The following SAMD9L variants were observed in gnomAD, a reference collection of about 807,000 sequenced individuals.
SAMD9L encodes the protein sterile alpha motif domain-containing protein 9-like.
A neutral mutation model predicts 90.7 loss-of-function variants in SAMD9L; 68 were observed. The observed-to-expected ratio is 0.75, with a 90% CI of 0.62 to 0.92. SAMD9L has a LOEUF of 0.92. SAMD9L is among the 40% of genes least tolerant of loss of function. The pLI is 0.00. For missense variants in SAMD9L, 1,604 were observed against 1,824.3 expected, an observed-to-expected ratio of 0.88 and a Z score of 2.20; for synonymous variants, 640 against 630.1, an observed-to-expected ratio of 1.02 and a Z score of -0.23.
intron 4 of SAMD9L, among the ~76,000 whole-genome samples, chr7:93,143,977 T>A (rs1382763490): frequency 6.6e-6 from 1 of 152,220 alleles, no homozygotes; most frequent in Non-Finnish European, 1.5e-5. Flanking sequence ...CTACACAGTG[T>A]GTATAAAGGT....
chr7:93,132,754 G>A lies in SAMD9L; in HGVS notation c.3218C>T (p.Ala1073Val), dbSNP rs749745854. 1.2e-6 allele frequency: 2 copies of A among 1,613,698 alleles called. No homozygotes were observed. The highest frequency in any genetic ancestry group is 2.2e-5 in the South Asian group (2 of 91,068). Residue 1073 changes from alanine to valine, a missense_variant, in exon 5 of 5, where the codon GCA becomes GTA. Transcript: ENST00000318238. ...QNKDIEKVLS[A>V]GSRRFPQNAF... ...ATTTTGTGGGAATCGTCTACTTCCT[G>A]CACTCAAGACCTTTTCAATGTCTTT...
chr7:93,135,400 T>A lies in SAMD9L; in HGVS notation c.572A>T (p.Asn191Ile), dbSNP rs755513883. ...YTLQPETGAL[N>I]LIDPIHEFKA... is the part of the protein sequence containing the mutation. ...GAACTCATGTATTGGATCAATGAGA[T>A]TGAGTGCTCCTGTTTCAGGTTGTAG... is the stretch of plus-strand genomic sequence containing the variant. The change falls in exon 5 of 5, where the codon AAT (asparagine) becomes ATT (isoleucine). Residue 191 changes from asparagine (N) to isoleucine (I), a missense_variant. Physicochemically the swap from Asn to Ile is moderately radical, Grantham distance 149 (BLOSUM62 -3). Coordinates refer to ENST00000318238, the MANE Select transcript of SAMD9L (RefSeq NM_152703.5). The A allele has an allele frequency of 6.2e-7, 1 of 1,614,118 alleles. No homozygotes were observed. The highest frequency in any genetic ancestry group is 1.1e-5 in the South Asian group (1 of 91,082).
Position 93,134,997 on chromosome 7 carries a change from C to A in SAMD9L, c.975G>T (p.Met325Ile). The change falls in exon 5 of 5, where the codon ATG (methionine) becomes ATT (isoleucine). Residue 325 changes from methionine (M) to isoleucine (I), a missense_variant. Met to Ile is a conservative substitution (Grantham distance 10, BLOSUM62 1). Around this residue, in one of 7 missense-constraint regions of SAMD9L, gnomAD observed 374 missense variants for 363.6 expected, o/e 1.03. Coordinates refer to ENST00000318238, the MANE Select transcript of SAMD9L (RefSeq NM_152703.5). The part of the protein sequence containing the change: ...ICNDKYFYIQ[M>I]QICKDKIWKQ... Reference sequence around the variant, plus strand: ...TCCATATTTTATCTTTACAAATTTGCATCTGAATGTAGAAATACTTATCAT... The same window carrying A: ...TCCATATTTTATCTTTACAAATTTGAATCTGAATGTAGAAATACTTATCAT... 1.2e-6 allele frequency: 2 copies of A among 1,613,060 alleles called. No homozygotes were observed. The highest frequency in any genetic ancestry group is 1.7e-6 in the Non-Finnish European group (2 of 1,179,110).
chr7:93,143,488 A>G (rs537432094), intron 4 of SAMD9L, among the ~76,000 whole-genome samples: 28 of 152,208 alleles, frequency 1.8e-4, no homozygotes, highest in Non-Finnish European at 2.8e-4. Flanking sequence ...TCTCTCATCA[A>G]ACCTACAACA....
At chr7:93,136,071 C>G in intron 4 of SAMD9L, 80 bp from the exon 5 acceptor site, 1 of 920,552 alleles carries the variant, frequency 1.1e-6, no homozygotes, top group Non-Finnish European at 1.5e-6. Context: ...TATACATTAT[C>G]ATACAGAAGA....
rs1227405213 is a variant in SAMD9L at position 93,135,372 on chromosome 7, T to C, written c.600A>G (p.Lys200=). ...TGGCTGTTTCTGTGTTTGTGAGAGC[T>C]TTGAACTCATGTATTGGATCAATGA... ...LNLIDPIHEF[K]ALTNTETATE... is the part of the protein sequence containing the mutation. Residue 200 remains lysine (K), a synonymous_variant, in exon 5 of 5, where the codon AAA becomes AAG. Transcript: ENST00000318238. 13 of 1,614,154 alleles carry C rather than the reference T, an allele frequency of 8.1e-6. No individual in the cohort carries two copies. Among genetic ancestry groups the C allele is most frequent in the Admixed American group, 1.7e-5 (1 of 60,022 alleles).
rs1451330701 is a variant in SAMD9L at position 93,135,224 on chromosome 7, C to T, written c.748G>A (p.Val250Ile). ...GCCTTACTGGTGATTTTCACACCAA[C>T]AATTTCTCCATGGGGTTTGTCCTTG... ...GVKDKPHGEI[V>I]GVKITSKAAF... Residue 250 changes from valine (V) to isoleucine (I), a missense_variant, in exon 5 of 5, where the codon GTT becomes ATT. Around this residue, in one of 7 missense-constraint regions of SAMD9L, gnomAD observed 374 missense variants for 363.6 expected, o/e 1.03. Coordinates refer to ENST00000318238, the MANE Select transcript of SAMD9L (RefSeq NM_152703.5). 3 of 1,614,054 alleles carry T rather than the reference C, an allele frequency of 1.9e-6. No homozygotes were observed. Among genetic ancestry groups the T allele is most frequent in the East Asian group, 2.2e-5 (1 of 44,872 alleles).
At position 93,132,505 on chromosome 7, in the gene SAMD9L, G is replaced by T; in HGVS notation, c.3467C>A (p.Ala1156Glu). The T allele has an allele frequency of 6.2e-7, 1 of 1,613,732 alleles. No individual in the cohort carries two copies. The highest frequency in any genetic ancestry group is 8.5e-7 in the Non-Finnish European group (1 of 1,179,788). ...VNDLTHLLEA[A>E]EKASRAFKES... ...TTTGAAAGCTCTTGAGGCTTTTTCCGCAGCTTCTAGGAGATGTGTTAGGTC... is the reference window on the plus strand; with the variant it reads ...TTTGAAAGCTCTTGAGGCTTTTTCCTCAGCTTCTAGGAGATGTGTTAGGTC... The change falls in exon 5 of 5, where the codon GCG (alanine) becomes GAG (glutamate). Residue 1156 changes from alanine to glutamate, a missense_variant. Ala to Glu is a moderately radical substitution (Grantham distance 107). Around this residue, in one of 7 missense-constraint regions of SAMD9L, gnomAD observed 302 missense variants for 314.7 expected, o/e 0.96. Transcript: ENST00000318238.
intron 4 of SAMD9L, among the ~76,000 whole-genome samples, 192 bp from the exon 5 acceptor site, chr7:93,136,183 G>A (rs1331194715): frequency 6.6e-6 from 1 of 151,842 alleles, no homozygotes; most frequent in East Asian, 1.9e-4. Flanking sequence ...TGTTTCTTAG[G>A]TGACTCTAAT....
At chr7:93,143,130 T>A (rs1197416613) in intron 4 of SAMD9L, among the ~76,000 whole-genome samples, 3 of 152,206 alleles carry the variant, frequency 2.0e-5, no homozygotes, top group African/African-American at 7.2e-5. Flanking sequence ...ATTGATTGAC[T>A]TCTGTCAGGA....
At chr7:93,143,806 T>C (rs1323069511) in intron 4 of SAMD9L, among the ~76,000 whole-genome samples, 3 of 152,216 alleles carry the variant, frequency 2.0e-5, no homozygotes, top group Non-Finnish European at 4.4e-5. Flanking sequence ...CTATAATCCA[T>C]AGGTAGTTGG....
In SAMD9L at chr7:93,131,307, T is replaced by C. The variant is rs747063316; in HGVS notation, c.4665A>G (p.Pro1555=). The change falls in exon 5 of 5, where the codon CCA becomes CCG. Residue 1555 remains proline (P), a synonymous_variant. Transcript: ENST00000318238. ...KIPVISVYSG[P]LRSGRNIERV... is the part of the protein sequence containing the mutation. Reference sequence around the variant, plus strand: ...TTTCTATGTTCCTACCACTTCTGAGTGGACCTGAATAAACAGATATTACTG... The same window carrying C: ...TTTCTATGTTCCTACCACTTCTGAGCGGACCTGAATAAACAGATATTACTG... The C allele has an allele frequency of 6.2e-7, 1 of 1,613,096 alleles. No individual in the cohort carries two copies. Among genetic ancestry groups the C allele is most frequent in the East Asian group, 2.2e-5 (1 of 44,866 alleles).
chr7:93,135,686 A>G lies in SAMD9L; in HGVS notation c.286T>C (p.Ser96Pro), dbSNP rs60838691. The G allele has an allele frequency of 1.3e-3, 2,122 of 1,613,714 alleles. 25 individuals are homozygous for G. In the African/African-American group the frequency reaches 0.025, roughly 19 times the overall value. Residue 96 changes from serine to proline, a missense_variant, in exon 5 of 5, where the codon TCC becomes CCC. Ser to Pro is a moderately conservative substitution (Grantham distance 74). Around this residue, in one of 7 missense-constraint regions of SAMD9L, gnomAD observed 374 missense variants for 363.6 expected, o/e 1.03. Transcript: ENST00000318238. ...GGATTTTTCTGGTGTTCTGTTTTGG[A>G]CGGTTTTGAATTATCTAATTGTCCC... The part of the protein sequence containing the change: ...DPGQLDNSKP[S>P]KTEHQKNPKH...
intron 4 of SAMD9L, among the ~76,000 whole-genome samples, chr7:93,140,611 A>C (rs900269657): frequency 5.9e-5 from 9 of 152,202 alleles, no homozygotes; most frequent in Non-Finnish European, 1.2e-4. Flanking sequence ...TTCCCATTTA[A>C]ACCGGCAGAA....
Position 93,131,499 on chromosome 7 carries a change from G to A in SAMD9L, c.4473C>T (p.Ala1491=). The change falls in exon 5 of 5, where the codon GCC becomes GCT. Residue 1491 remains alanine, a synonymous_variant. Transcript: ENST00000318238. Reference sequence around the variant, plus strand: ...CTTTATCAAAGTACTGCTCTATTTTGGCCTTGTGAACAATACTGTTTAGAC... The same window carrying A: ...CTTTATCAAAGTACTGCTCTATTTTAGCCTTGTGAACAATACTGTTTAGAC... ...RKGLNSIVHK[A]KIEQYFDKAQ... 1 of 1,613,908 alleles carries A rather than the reference G, an allele frequency of 6.2e-7. No individual in the cohort carries two copies.
chr7:93,130,959 A>G lies in SAMD9L; in HGVS notation c.*258T>C. ...GACAGTTATGATGTGACCAGTGGAT[A>G]TCAATGAAACTTCTTAATTATTTGA... On this transcript the variant is annotated 3_prime_UTR_variant, in exon 5 of 5. Transcript: ENST00000318238. 2.9e-6 allele frequency: 1 copy of G among 347,972 alleles called. No homozygotes were observed. The highest frequency in any genetic ancestry group is 5.1e-6 in the Non-Finnish European group (1 of 194,380). The allele number at this position is 347,972 out of a possible 1,614,324, so 21.6% of individuals were successfully genotyped here. A position where few individuals can be genotyped will look rare whatever the true frequency, so the allele number is the denominator to read the frequency against.
intron 4 of SAMD9L, among the ~76,000 whole-genome samples, chr7:93,143,208 G>A (rs1293805715): frequency 6.6e-6 from 1 of 152,154 alleles, no homozygotes; most frequent in Non-Finnish European, 1.5e-5. Context: ...CAAGCCTCGA[G>A]TCTTTTTATC....
chr7:93,135,755 T>C lies in SAMD9L; in HGVS notation c.217A>G (p.Asn73Asp), dbSNP rs1286617111. ...TCAGGGGACTTACTATTCAATTTGT[T>C]GTATGAACGTTTTATCAAAAGTGCT... ...GPALLIKRSY[N>D]KLNSKSPESD... is the part of the protein sequence containing the mutation. The change falls in exon 5 of 5, where the codon AAC becomes GAC. Residue 73 changes from asparagine (N) to aspartate (D), a missense_variant. By Grantham distance (23) the Asn-to-Asp change is conservative (BLOSUM62 1). Coordinates refer to ENST00000318238, the MANE Select transcript of SAMD9L (RefSeq NM_152703.5). 7 of 1,614,040 alleles carry C rather than the reference T, an allele frequency of 4.3e-6. No individual in the cohort carries two copies. Among genetic ancestry groups the C allele is most frequent in the Non-Finnish European group, 5.9e-6 (7 of 1,179,988 alleles).
rs1323362351 is a variant in SAMD9L, at chr7:93,144,720, G to A, written c.-21+12C>T. On this transcript the variant is annotated intron_variant, in intron 4 of 4. Transcript: ENST00000318238. ...CATGTCTAGGAGGCTGGGCCTCACTGGGCTCACTCACCTCACTGGGCTCAC... is the reference window on the plus strand; with the variant it reads ...CATGTCTAGGAGGCTGGGCCTCACTAGGCTCACTCACCTCACTGGGCTCAC... 1 of 152,204 alleles carries A rather than the reference G, an allele frequency of 6.6e-6. No homozygotes were observed. The highest frequency in any genetic ancestry group is 6.5e-5 in the Admixed American group (1 of 15,274). 9.4% of individuals were successfully genotyped at this position (152,204 alleles called of 1,614,324 possible). A position where few individuals can be genotyped will look rare whatever the true frequency, so the allele number is the denominator to read the frequency against.
Sources: gnomAD v4.1 joint callset for allele counts (sites outside exome capture counted in the v4.1 genomes callset) on GRCh38, gnomAD v4.1.1 for gene constraint, gnomAD v4.1.1 regional missense constraint, MANE v1.5 for transcripts, NCBI Gene and HGNC (gene_info 2026-07-23, HGNC 2026-07-21) for gene names.